VTI1A: variants seen among roughly 807,000 people sequenced by gnomAD.
VTI1A encodes the protein vesicle transport through interaction with t-SNAREs 1A.
VTI1A carries 22 observed loss-of-function variants against 34.9 expected under a neutral mutation model. The ratio of observed to expected loss-of-function variants is 0.63; its 90% CI spans 0.45 to 0.90. The LOEUF (loss-of-function observed/expected upper bound fraction) is 0.90, where lower values mean the gene tolerates loss of function less well. Among genes scored for constraint, VTI1A ranks in the 40% least tolerant of loss-of-function variants. VTI1A has a pLI of 0.00. For missense variants in VTI1A, 268 were observed against 275.6 expected, an observed-to-expected ratio of 0.97 and a Z score of 0.20; for synonymous variants, 87 against 97.3, an observed-to-expected ratio of 0.89 and a Z score of 0.62.
intron 7 of VTI1A, among the ~76,000 whole-genome samples, chr10:112,731,830 G>A (rs895553602): frequency 9.2e-5 from 14 of 152,052 alleles, no homozygotes; most frequent in Admixed American, 8.5e-4. Flanking sequence ...TTTGCAGGTA[G>A]CTGATCCAAG....
At chr10:112,703,793 G>C (rs894653488) in intron 7 of VTI1A, among the ~76,000 whole-genome samples, 33 of 152,060 alleles carry the variant, frequency 2.2e-4, no homozygotes, top group Admixed American at 1.6e-3. Context: ...TCAGATCTTA[G>C]ATTTTGATAG....
intron 7 of VTI1A, among the ~76,000 whole-genome samples, chr10:112,754,806 G>C (rs1320185715): frequency 6.6e-6 from 1 of 152,160 alleles, no homozygotes; most frequent in Non-Finnish European, 1.5e-5. Flanking sequence ...CAACAAACTA[G>C]AATCGGTCTA....
chr10:112,510,589 C>T (rs1179063457), intron 3 of VTI1A, among the ~76,000 whole-genome samples: 1 of 152,102 alleles, frequency 6.6e-6, no homozygotes, highest in Non-Finnish European at 1.5e-5. Flanking sequence ...TGAGCTATGA[C>T]TGTGCCACTG....
intron 7 of VTI1A, among the ~76,000 whole-genome samples, chr10:112,746,966 G>A (rs1041483734): frequency 6.6e-6 from 1 of 152,134 alleles, no homozygotes; most frequent in African/African-American, 2.4e-5. Flanking sequence ...ACCCTCTGGG[G>A]CTATTTCAAT....
the VTI1A span, among the ~76,000 whole-genome samples, chr10:112,839,056 A>G: frequency 1.1e-4 from 16 of 152,148 alleles, no homozygotes; most frequent in African/African-American, 3.9e-4. Flanking sequence ...GCAGCTACTG[A>G]GGCTGGTTCT....
intron 7 of VTI1A, among the ~76,000 whole-genome samples, chr10:112,677,067 G>A (rs193241947): frequency 1.2e-4 from 19 of 152,228 alleles, no homozygotes; most frequent in African/African-American, 4.6e-4. Flanking sequence ...GATTGGTTCT[G>A]GTTAGGTAAA....
intron 7 of VTI1A, among the ~76,000 whole-genome samples, chr10:112,681,034 T>G (rs1226689934): frequency 6.6e-6 from 1 of 151,984 alleles, no homozygotes; most frequent in Non-Finnish European, 1.5e-5. Flanking sequence ...TGTGAAAGCT[T>G]CAATCTTACC....
chr10:112,456,272 A>G (rs934357023), intron 1 of VTI1A, among the ~76,000 whole-genome samples: 5 of 152,066 alleles, frequency 3.3e-5, no homozygotes, highest in Non-Finnish European at 5.9e-5. Context: ...TAATACAAAA[A>G]TTAGCTGTGT....
chr10:112,637,030 T>G (rs1846382704), intron 5 of VTI1A, among the ~76,000 whole-genome samples: 1 of 152,242 alleles, frequency 6.6e-6, no homozygotes, highest in South Asian at 2.1e-4. Flanking sequence ...TATCTCAGAA[T>G]AGCCTTAACC....
chr10:112,772,617 C>T (rs1851845355), intron 7 of VTI1A, among the ~76,000 whole-genome samples: 1 of 152,120 alleles, frequency 6.6e-6, no homozygotes, highest in Admixed American at 6.5e-5. Flanking sequence ...TTGTTAAAAC[C>T]CACACCACAA....
intron 5 of VTI1A, among the ~76,000 whole-genome samples, chr10:112,659,660 G>C (rs564541740): frequency 6.6e-6 from 1 of 152,322 alleles, no homozygotes; most frequent in South Asian, 2.1e-4. Context: ...CAGCTACTGA[G>C]AAGGTAGTGT....
chr10:112,659,859 G>T (rs1330278336), intron 5 of VTI1A, among the ~76,000 whole-genome samples: 4 of 152,150 alleles, frequency 2.6e-5, no homozygotes, highest in Admixed American at 2.6e-4. Context: ...ATATTTTATG[G>T]TACATAGTAA....
intron 5 of VTI1A, among the ~76,000 whole-genome samples, 174 bp from the exon 6 acceptor site, chr10:112,668,044 T>C (rs914942061): frequency 1.3e-5 from 2 of 152,178 alleles, no homozygotes; most frequent in African/African-American, 4.8e-5. Context: ...CTAAGATAAA[T>C]AGATAAATTT....
intron 3 of VTI1A, among the ~76,000 whole-genome samples, chr10:112,525,583 T>C (rs2134218509): frequency 6.6e-6 from 1 of 152,276 alleles, no homozygotes; most frequent in East Asian, 1.9e-4. Context: ...TTTATTTATT[T>C]TTATTTCTAT....
intron 3 of VTI1A, among the ~76,000 whole-genome samples, chr10:112,472,902 T>C (rs766148146): frequency 3.9e-5 from 6 of 152,072 alleles, no homozygotes; most frequent in Admixed American, 3.9e-4. Context: ...CTTTAAAAAA[T>C]TACATTTGTT....
chr10:112,476,770 T>A (rs2134086304), intron 3 of VTI1A, among the ~76,000 whole-genome samples: 1 of 152,248 alleles, frequency 6.6e-6, no homozygotes, highest in East Asian at 1.9e-4. Context: ...CAATTTGAAA[T>A]GACACATCAT....
chr10:112,563,999 A>G (rs1564828440), intron 5 of VTI1A, among the ~76,000 whole-genome samples: 1 of 152,168 alleles, frequency 6.6e-6, no homozygotes, highest in Non-Finnish European at 1.5e-5. Context: ...ATTAGACATC[A>G]TAAAGTTTAT....
At chr10:112,511,493 C>T (rs992785595) in intron 3 of VTI1A, among the ~76,000 whole-genome samples, 2 of 152,114 alleles carry the variant, frequency 1.3e-5, no homozygotes, top group African/African-American at 4.8e-5. Flanking sequence ...CTGCCCACCT[C>T]GGCCTCCCAA....
chr10:112,711,990 G>A (rs1296728578), intron 7 of VTI1A, among the ~76,000 whole-genome samples: 1 of 152,168 alleles, frequency 6.6e-6, no homozygotes, highest in Admixed American at 6.5e-5. Flanking sequence ...TCATTTATAA[G>A]CAGTGCTTGA....
Sources: allele counts gnomAD v4.1 joint callset (sites outside exome capture counted in the v4.1 genomes callset), GRCh38; gene constraint gnomAD v4.1.1; transcripts MANE v1.5; gene names NCBI Gene and HGNC (gene_info 2026-07-23, HGNC 2026-07-21).